The following PTK2B variants were observed in gnomAD, a reference collection of about 807,000 sequenced individuals.
The protein encoded by PTK2B is protein tyrosine kinase 2 beta.
In PTK2B, 71 loss-of-function variants were observed where a neutral mutation model predicts 142.9. The ratio of observed to expected loss-of-function variants is 0.50; its 90% CI spans 0.41 to 0.61. PTK2B has a LOEUF of 0.61. PTK2B is among the 20% of genes least tolerant of loss of function. PTK2B has a pLI of 0.00. For missense variants in PTK2B, 1,105 were observed against 1,320.4 expected (o/e 0.84, Z 2.53); for synonymous variants, 519 against 503.4 (o/e 1.03, Z -0.42).
At chr8:27,354,745 T>G (rs1418786631) in intron 1 of PTK2B, among the ~76,000 whole-genome samples, 6 of 152,212 alleles carry the variant, frequency 3.9e-5, no homozygotes, top group Non-Finnish European at 8.8e-5. Flanking sequence ...ATGATTGTTA[T>G]TCTATGAAGG....
At position 27,325,625 on chromosome 8, in the gene PTK2B, G is replaced by C. The variant is rs1026743124; in HGVS notation, c.-94G>C. 11 of 152,426 alleles carry C rather than the reference G, an allele frequency of 7.2e-5. No homozygotes were observed. Among genetic ancestry groups the C allele is most frequent in the Non-Finnish European group, 1.3e-4 (9 of 68,200 alleles). The allele number at this position is 152,426 out of a possible 1,614,324, so 9.4% of individuals were successfully genotyped here. Reference sequence around the variant, plus strand: ...GGCCGACTTACCTGTACTTGCCGCCGTCCCGGCTCACCTGGCGGTGCCCGA... The same window carrying C: ...GGCCGACTTACCTGTACTTGCCGCCCTCCCGGCTCACCTGGCGGTGCCCGA... On this transcript the variant is annotated 5_prime_UTR_variant, in exon 1 of 31. Transcript: ENST00000346049.
intron 2 of PTK2B, among the ~76,000 whole-genome samples, chr8:27,404,039 CCA>C (rs142996206): frequency 0.37 from 55,347 of 151,348 alleles, 10,397 homozygotes; most frequent in South Asian, 0.51. Context: ...TGTCTCATCC[CCA>C]GTTTCTATAC....
chr8:27,311,037 C>A, upstream of PTK2B: 1 of 1,602,070 alleles, frequency 6.2e-7, no homozygotes, highest in Non-Finnish European at 8.5e-7. Flanking sequence ...CGCAGGTCGG[C>A]GGGTGACGCG....
intron 2 of PTK2B, among the ~76,000 whole-genome samples, chr8:27,408,878 G>A (rs971615032): frequency 3.9e-5 from 6 of 152,198 alleles, no homozygotes; most frequent in Non-Finnish European, 5.9e-5. Context: ...GAAAGGTATT[G>A]TATCACAGTT....
intron 30 of PTK2B, among the ~76,000 whole-genome samples, chr8:27,455,373 G>A (rs1812084633): frequency 6.6e-6 from 1 of 152,108 alleles, no homozygotes; most frequent in African/African-American, 2.4e-5. Context: ...AGACCAGCCT[G>A]GTCAACATGG....
At position 27,440,305 on chromosome 8, in the gene PTK2B, A is replaced by T. The variant is rs1434923205; in HGVS notation, c.1903A>T (p.Ile635Phe). 3 of 1,614,182 alleles carry T rather than the reference A, an allele frequency of 1.9e-6. No homozygotes were observed. In the Admixed American group the frequency reaches 5.0e-5, roughly 27 times the overall value. The part of the protein sequence containing the change: ...PFFWLENKDV[I>F]GVLEKGDRLP... The stretch of plus-strand genomic sequence containing the variant: ...CTTCTGGCTGGAGAACAAGGATGTC[A>T]TCGGGGTGCTGGAGAAAGGAGACCG... The change falls in exon 21 of 31, where the codon ATC becomes TTC. Residue 635 changes from isoleucine to phenylalanine, a missense_variant. By Grantham distance (21) the Ile-to-Phe change is conservative (BLOSUM62 0). Transcript: ENST00000346049.
At chr8:27,396,330 AC>A (rs1808050243) in intron 1 of PTK2B, 2 of 152,242 alleles carry the variant, frequency 1.3e-5, no homozygotes, top group African/African-American at 4.8e-5. Context: ...TCGTGTTTTA[AC>A]ATTGTCAACT....
rs1165134884 is a variant in PTK2B, at chr8:27,363,184, T to C, written c.-37-34364T>C. Among the ~76,000 whole-genome samples the C allele has an allele frequency of 2.0e-5, 3 of 152,188 alleles. No homozygotes were observed. Among genetic ancestry groups the C allele is most frequent in the Non-Finnish European group, 4.4e-5 (3 of 68,036 alleles). On this transcript the variant is annotated intron_variant, in intron 1 of 30. Transcript: ENST00000346049. The surrounding 1 kb of genome is among the most constrained non-coding windows in gnomAD (Gnocchi z 4.3). ...AGCACTTCTGTGGTCTTCAGCCCAG[T>C]TCTGAGGGCCCCTCTTGAACCAGCT...
chr8:27,408,842 CACAA>C lies in PTK2B; in HGVS notation c.205-11049_205-11046del, dbSNP rs545910893. 9.2e-5 allele frequency among the ~76,000 whole-genome samples: 14 copies of C among 152,316 alleles called. No individual in the cohort carries two copies. In the East Asian group the frequency reaches 1.2e-3, roughly 13 times the overall value. On this transcript the variant is annotated intron_variant, in intron 2 of 30. Coordinates refer to ENST00000346049, the MANE Select transcript of PTK2B (RefSeq NM_173176.3). ...TCCTAGGTCTGCTTTAACAAAGCAC[CACAA>C]ACAGAGTGATGTGAAACAACAGAAA...
rs571376461 is a variant in PTK2B, at chr8:27,428,022, C to CA, written c.552-2070dup. 2.3e-3 allele frequency among the ~76,000 whole-genome samples: 353 copies of CA among 152,078 alleles called. 1 individual carries two copies. The highest frequency in any genetic ancestry group is 8.1e-3 in the African/African-American group (336 of 41,472). ...ATAATAAAATAAATATACAACTCAC[C>CA]ATAATGTAGAATCAGTGGAAGCCCT... On this transcript the variant is annotated intron_variant, in intron 5 of 30. Transcript: ENST00000346049.
chr8:27,399,730 G>A (rs928923566), intron 2 of PTK2B, among the ~76,000 whole-genome samples: 9 of 152,208 alleles, frequency 5.9e-5, no homozygotes, highest in Non-Finnish European at 1.3e-4. Context: ...ATATGTCCAA[G>A]CCTTCTGATT....
chr8:27,433,599 C>T (rs753773482), intron 11 of PTK2B, 47 bp downstream of exon 11: 2 of 1,496,378 alleles, frequency 1.3e-6, no homozygotes, highest in East Asian at 2.3e-5. Context: ...GGTGGCAGCA[C>T]ACCCGAGTCC....
At chr8:27,420,127 G>A (rs1809655041) in intron 3 of PTK2B, 54 bp downstream of exon 3, 1 of 1,595,222 alleles carries the variant, frequency 6.3e-7, no homozygotes, top group Non-Finnish European at 8.6e-7. Context: ...TTTAGGGTGG[G>A]GAGGCCCTGG....
intron 1 of PTK2B, among the ~76,000 whole-genome samples, chr8:27,389,462 C>T (rs1586216506): frequency 6.6e-6 from 1 of 152,148 alleles, no homozygotes; most frequent in Non-Finnish European, 1.5e-5. Flanking sequence ...TGGCTAGCTG[C>T]AGGGATCAAA....
At chr8:27,443,936 A>G (rs572182287) in intron 22 of PTK2B, among the ~76,000 whole-genome samples, 2 of 152,312 alleles carry the variant, frequency 1.3e-5, no homozygotes, top group Admixed American at 6.5e-5. Context: ...GCTCCCACGT[A>G]TAGGGAAGCA....
chr8:27,439,179 A>G (rs771726797), intron 19 of PTK2B, 48 bp downstream of exon 19: 15 of 1,586,806 alleles, frequency 9.5e-6, no homozygotes, highest in Non-Finnish European at 1.2e-5. Flanking sequence ...GGGTCGCTGA[A>G]GCCAAAAATT....
chr8:27,410,803 A>G (rs1809012248), intron 2 of PTK2B, among the ~76,000 whole-genome samples: 1 of 152,230 alleles, frequency 6.6e-6, no homozygotes, highest in South Asian at 2.1e-4. Context: ...TTTCTGACCT[A>G]TAGGAAGAAA....
chr8:27,385,048 C>T (rs1430617650), intron 1 of PTK2B, among the ~76,000 whole-genome samples: 1 of 152,192 alleles, frequency 6.6e-6, no homozygotes, highest in Non-Finnish European at 1.5e-5. Context: ...TGACTCCACT[C>T]AAATCACAGT....
chr8:27,441,543 G>A (rs1401633990), intron 21 of PTK2B, among the ~76,000 whole-genome samples: 1 of 152,186 alleles, frequency 6.6e-6, no homozygotes, highest in Non-Finnish European at 1.5e-5. Context: ...CTGGTGGGGA[G>A]GCACCCCAGG....
Sources: gnomAD v4.1 joint callset for allele counts (sites outside exome capture counted in the v4.1 genomes callset) on GRCh38, gnomAD v4.1.1 for gene constraint, Gnocchi (gnomAD v3.1) non-coding constraint, MANE v1.5 for transcripts, NCBI Gene and HGNC (gene_info 2026-07-23, HGNC 2026-07-21) for gene names.